The following FAM53B variants were observed in gnomAD, a reference collection of about 807,000 sequenced individuals.
The protein encoded by FAM53B is protein FAM53B.
FAM53B carries 12 observed loss-of-function variants against 32.7 expected under a neutral mutation model. The observed-to-expected ratio is 0.37, with a 90% CI of 0.24 to 0.59. FAM53B has a LOEUF of 0.59. FAM53B is among the 20% of genes least tolerant of loss of function. The probability of loss-of-function intolerance (pLI) is 0.72; values close to 1 mark genes in which losing one functional copy is unlikely to be tolerated. For missense variants in FAM53B, 477 were observed against 577.7 expected, an observed-to-expected ratio of 0.83 and a Z score of 1.79; for synonymous variants, 234 against 228.7, an observed-to-expected ratio of 1.02 and a Z score of -0.21.
At chr10:124,628,265 T>C (rs1252719641) in intron 4 of FAM53B, among the ~76,000 whole-genome samples, 1 of 152,182 alleles carries the variant, frequency 6.6e-6, no homozygotes, top group Non-Finnish European at 1.5e-5. Context: ...CTAGAACTCA[T>C]GAGCTACGGC....
At chr10:124,648,949 T>C (rs969229764) in intron 4 of FAM53B, among the ~76,000 whole-genome samples, 2 of 152,188 alleles carry the variant, frequency 1.3e-5, no homozygotes, top group Admixed American at 1.3e-4. Flanking sequence ...GGAGACAGGA[T>C]GAAACTGGTG....
At chr10:124,739,678 G>C (rs2134106748) in intron 1 of FAM53B, among the ~76,000 whole-genome samples, 1 of 152,228 alleles carries the variant, frequency 6.6e-6, no homozygotes, top group African/African-American at 2.4e-5. Context: ...TGATAGTCCA[G>C]CGTGGTCTGG....
intron 4 of FAM53B, among the ~76,000 whole-genome samples, chr10:124,665,527 T>C (rs1949664397): frequency 6.6e-6 from 1 of 152,240 alleles, no homozygotes; most frequent in South Asian, 2.1e-4. Context: ...TGCCCCTCGC[T>C]TCCTACTCCT....
At chr10:124,646,886 G>A (rs879932357) in intron 4 of FAM53B, among the ~76,000 whole-genome samples, 11 of 152,236 alleles carry the variant, frequency 7.2e-5, no homozygotes, top group Admixed American at 4.6e-4. Flanking sequence ...AAATGTGGGT[G>A]TATGGGTGTC....
intron 4 of FAM53B, among the ~76,000 whole-genome samples, chr10:124,628,386 G>A (rs1271154900): frequency 6.6e-6 from 1 of 152,200 alleles, no homozygotes; most frequent in African/African-American, 2.4e-5. Flanking sequence ...CTCCTCCGAA[G>A]GAGGCTGCGG....
chr10:124,677,996 C>T (rs1379881491), intron 4 of FAM53B, among the ~76,000 whole-genome samples: 1 of 152,212 alleles, frequency 6.6e-6, no homozygotes, highest in Non-Finnish European at 1.5e-5. Flanking sequence ...CAGGGCAGGC[C>T]TCCTTCCCAT....
intron 3 of FAM53B, 40 bp downstream of exon 3, chr10:124,696,118 G>A: frequency 1.3e-6 from 2 of 1,560,142 alleles, no homozygotes; most frequent in South Asian, 2.2e-5. Flanking sequence ...TGGCTGGAAG[G>A]ACTAGGAGGA....
At chr10:124,660,503 C>T (rs2134056194) in intron 4 of FAM53B, among the ~76,000 whole-genome samples, 1 of 152,350 alleles carries the variant, frequency 6.6e-6, no homozygotes, top group East Asian at 1.9e-4. Flanking sequence ...ACTAAGTGCC[C>T]CTTTCCCACA....
At chr10:124,672,644 C>G (rs1157283299) in intron 4 of FAM53B, among the ~76,000 whole-genome samples, 1 of 152,238 alleles carries the variant, frequency 6.6e-6, no homozygotes, top group Non-Finnish European at 1.5e-5. Context: ...CTAAGCTGCC[C>G]CCAGCCCTTC....
intron 1 of FAM53B, among the ~76,000 whole-genome samples, chr10:124,729,230 G>C (rs895888326): frequency 1.3e-5 from 2 of 152,192 alleles, no homozygotes; most frequent in Non-Finnish European, 2.9e-5. Context: ...GCCTAATCTC[G>C]AATGATCTCA....
At chr10:124,647,439 T>C (rs183204391) in intron 4 of FAM53B, among the ~76,000 whole-genome samples, 1 of 152,092 alleles carries the variant, frequency 6.6e-6, no homozygotes, top group Non-Finnish European at 1.5e-5. Flanking sequence ...CATTTTGAAG[T>C]TCCAAAGGAA....
chr10:124,636,586 GC>G (rs1949433653), intron 4 of FAM53B, among the ~76,000 whole-genome samples: 1 of 137,090 alleles, frequency 7.3e-6, no homozygotes, highest in East Asian at 2.5e-4. Flanking sequence ...GTGGCCCCCT[GC>G]CCGCCCACCC....
intron 4 of FAM53B, among the ~76,000 whole-genome samples, chr10:124,658,825 T>C (rs1242895398): frequency 6.6e-6 from 1 of 152,174 alleles, no homozygotes; most frequent in Non-Finnish European, 1.5e-5. Context: ...TGTCCGCCTG[T>C]CAAAGCTTCT....
At chr10:124,683,562 C>T (rs906615185) in intron 3 of FAM53B, among the ~76,000 whole-genome samples, 3 of 152,160 alleles carry the variant, frequency 2.0e-5, no homozygotes, top group African/African-American at 7.2e-5. Context: ...CACACAGCCC[C>T]CTGAGTGCAT....
At chr10:124,628,934 T>A (rs2134036980) in intron 4 of FAM53B, among the ~76,000 whole-genome samples, 1 of 152,314 alleles carries the variant, frequency 6.6e-6, no homozygotes. Context: ...TTCCCTCGCC[T>A]CCCTGAAGGT....
chr10:124,701,616 C>G (rs968096347), intron 2 of FAM53B, among the ~76,000 whole-genome samples: 1 of 152,226 alleles, frequency 6.6e-6, no homozygotes, highest in African/African-American at 2.4e-5. Context: ...CAAGGTCAAA[C>G]GTCTGGGCTG....
intron 1 of FAM53B, among the ~76,000 whole-genome samples, chr10:124,712,891 G>A (rs951161085): frequency 1.2e-4 from 18 of 152,228 alleles, no homozygotes; most frequent in African/African-American, 4.3e-4. Context: ...CTCCCTGGGT[G>A]CAGACACGGT....
At chr10:124,631,808 C>A (rs1949392866) in intron 4 of FAM53B, among the ~76,000 whole-genome samples, 1 of 152,158 alleles carries the variant, frequency 6.6e-6, no homozygotes, top group Admixed American at 6.5e-5. Flanking sequence ...TCCCTCTTCA[C>A]TGGCAGATTC....
At chr10:124,693,708 A>G (rs1485654254) in intron 3 of FAM53B, among the ~76,000 whole-genome samples, 2 of 152,110 alleles carry the variant, frequency 1.3e-5, no homozygotes, top group African/African-American at 2.4e-5. Context: ...TTAAATCCTC[A>G]CAACTTGCAA....
Sources: allele counts gnomAD v4.1 joint callset (sites outside exome capture counted in the v4.1 genomes callset), GRCh38; gene constraint gnomAD v4.1.1; transcripts MANE v1.5; gene names NCBI Gene and HGNC (gene_info 2026-07-23, HGNC 2026-07-21).